TRIM23: variants seen among roughly 807,000 people sequenced by gnomAD.
TRIM23 encodes the protein E3 ubiquitin-protein ligase TRIM23.
In TRIM23, 27 loss-of-function variants were observed where a neutral mutation model predicts 71.0. That is an observed-to-expected ratio of 0.38 (90% confidence interval 0.28 to 0.52). The LOEUF is 0.52. Ranked by LOEUF, TRIM23 falls within the 20% of genes least tolerant of loss-of-function variation. The pLI is 0.84. For missense variants in TRIM23, 482 were observed against 692.3 expected (o/e 0.70, Z 3.41); for synonymous variants, 234 against 238.0 (o/e 0.98, Z 0.16).
intron 6 of TRIM23, among the ~76,000 whole-genome samples, chr5:65,606,460 C>G (rs1754505815): frequency 7.3e-6 from 1 of 136,162 alleles, no homozygotes; most frequent in Non-Finnish European, 1.6e-5. Context: ...ACTCCTCCCG[C>G]CCCCGGCCAA....
chr5:65,613,458 A>G (rs1754703652), intron 3 of TRIM23, among the ~76,000 whole-genome samples: 1 of 152,218 alleles, frequency 6.6e-6, no homozygotes, highest in South Asian at 2.1e-4. Flanking sequence ...TACTCCAAAT[A>G]TATTTTTACC....
chr5:65,606,222 T>A (rs1352672469), intron 6 of TRIM23, among the ~76,000 whole-genome samples: 1 of 152,088 alleles, frequency 6.6e-6, no homozygotes, highest in Non-Finnish European at 1.5e-5. Flanking sequence ...GGCAGATGGA[T>A]CACTCGAGCC....
chr5:65,606,459 G>T (rs1019770559), intron 6 of TRIM23, among the ~76,000 whole-genome samples: 1 of 113,248 alleles, frequency 8.8e-6, no homozygotes, highest in African/African-American at 3.6e-5. Flanking sequence ...CACTCCTCCC[G>T]CCCCCGGCCA....
At chr5:65,609,873 C>T (rs1048977559) in intron 5 of TRIM23, among the ~76,000 whole-genome samples, 1 of 152,190 alleles carries the variant, frequency 6.6e-6, no homozygotes, top group Non-Finnish European at 1.5e-5. Flanking sequence ...TATTCCCAAA[C>T]CTAATTGCCT....
chr5:65,619,193 A>C (rs922911643), intron 1 of TRIM23, among the ~76,000 whole-genome samples: 7 of 152,108 alleles, frequency 4.6e-5, no homozygotes, highest in Non-Finnish European at 7.3e-5. Flanking sequence ...CTATGCTCCA[A>C]CTATATCCAA....
chr5:65,607,060 T>C (rs892057289), intron 6 of TRIM23: 2 of 152,258 alleles, frequency 1.3e-5, no homozygotes, highest in African/African-American at 4.8e-5. Context: ...CTTTAGATGA[T>C]GCATAATTTG....
Position 65,591,889 on chromosome 5 carries a change from T to C in TRIM23, c.1605A>G (p.Leu535=), listed in dbSNP as rs368662476. 18 of 1,613,774 alleles carry C rather than the reference T, an allele frequency of 1.1e-5. No individual in the cohort carries two copies. Among genetic ancestry groups the C allele is most frequent in the Non-Finnish European group, 1.4e-5 (17 of 1,179,918 alleles). The change falls in exon 11 of 11, where the codon TTA becomes TTG. Residue 535 remains leucine, a synonymous_variant. Transcript: ENST00000231524. ...EITELLSLHK[L]CCGRSWYIQG... ...GAATATACCAGCTACGGCCACAGCA[T>C]AATTTATGGAGACTGAGTAGTTCAG... is the stretch of plus-strand genomic sequence containing the variant.
At chr5:65,616,474 T>C (rs1214013910) in intron 2 of TRIM23, among the ~76,000 whole-genome samples, 2 of 151,620 alleles carry the variant, frequency 1.3e-5, no homozygotes, top group Non-Finnish European at 2.9e-5. Context: ...AAACCCCATC[T>C]CTACTAAAAA....
At chr5:65,611,281 A>G (rs1483915867) in intron 4 of TRIM23, among the ~76,000 whole-genome samples, 1 of 152,212 alleles carries the variant, frequency 6.6e-6, no homozygotes, top group Non-Finnish European at 1.5e-5. Flanking sequence ...CTAAAATCAT[A>G]TCCTAAGTAA....
intron 9 of TRIM23, among the ~76,000 whole-genome samples, chr5:65,595,542 A>T (rs1317139056): frequency 1.4e-5 from 2 of 139,808 alleles, no homozygotes; most frequent in Non-Finnish European, 3.1e-5. Context: ...TGGGCGACAG[A>T]GCAAGACTCG....
Position 65,611,703 on chromosome 5 carries a change from T to G in TRIM23, c.545A>C (p.Gln182Pro). 1 of 1,614,228 alleles carries G rather than the reference T, an allele frequency of 6.2e-7. No individual in the cohort carries two copies. Among genetic ancestry groups the G allele is most frequent in the Non-Finnish European group, 8.5e-7 (1 of 1,180,042 alleles). The change falls in exon 4 of 11, where the codon CAG becomes CCG. Residue 182 changes from glutamine (Q) to proline (P), a missense_variant. This residue lies in a region of TRIM23 where 307 missense variants were observed against 495.8 expected (regional missense o/e 0.62). Coordinates refer to ENST00000231524, the MANE Select transcript of TRIM23 (RefSeq NM_001656.4). ...GCAAACAAACTCAATGGCATGCACC[T>G]GGTGCTGAGAGCACATAGTTTTCTC... is the stretch of plus-strand genomic sequence containing the variant. Reference protein sequence around the residue: ...PHEKTMCSQHQVHAIEFVCLE... With the variant: ...PHEKTMCSQHPVHAIEFVCLE...
At chr5:65,622,314 A>G (rs1461074012) in intron 1 of TRIM23, among the ~76,000 whole-genome samples, 1 of 152,074 alleles carries the variant, frequency 6.6e-6, no homozygotes, top group Admixed American at 6.6e-5. Flanking sequence ...TAACAGGCCC[A>G]CACCACAATG....
chr5:65,591,422 C>G lies in TRIM23; in HGVS notation c.*347G>C. On this transcript the variant is annotated 3_prime_UTR_variant, in exon 11 of 11. Transcript: ENST00000231524. ...GGCACTCAATTGGCTATTCTTTTTT[C>G]ACTGAAAGAATAAACCTTCACTTAC... The G allele has an allele frequency of 6.3e-7, 1 of 1,588,540 alleles. No individual in the cohort carries two copies. The highest frequency in any genetic ancestry group is 8.6e-7 in the Non-Finnish European group (1 of 1,168,738).
intron 8 of TRIM23, among the ~76,000 whole-genome samples, chr5:65,596,803 C>A (rs959556764): frequency 2.0e-5 from 3 of 152,066 alleles, no homozygotes; most frequent in African/African-American, 7.2e-5. Flanking sequence ...CCACCCCACA[C>A]CCTCAGCCAG....
At chr5:65,609,553 ACT>A in intron 5 of TRIM23, 95 bp from the exon 6 acceptor site, 1 of 1,304,390 alleles carries the variant, frequency 7.7e-7, no homozygotes. Context: ...ACATGGCAAA[ACT>A]CTGTCTCTAC....
Position 65,614,088 on chromosome 5 carries a change from T to C in TRIM23, c.366+10A>G. 1 of 1,610,510 alleles carries C rather than the reference T, an allele frequency of 6.2e-7. No individual in the cohort carries two copies. Among genetic ancestry groups the C allele is most frequent in the Non-Finnish European group, 8.5e-7 (1 of 1,178,794 alleles). On this transcript the variant is annotated intron_variant, in intron 3 of 10. Coordinates refer to ENST00000231524, the MANE Select transcript of TRIM23 (RefSeq NM_001656.4). ...CTCGTAACAAATATTTCACCAAGTA[T>C]GATCAATACCTCTCCAGATATCCCA... is the stretch of plus-strand genomic sequence containing the variant.
chr5:65,619,752 C>T (rs186682556), intron 1 of TRIM23, among the ~76,000 whole-genome samples: 5 of 152,202 alleles, frequency 3.3e-5, no homozygotes, highest in Admixed American at 1.3e-4. Context: ...AAATTCTTTA[C>T]GTGAAAAGAT....
At position 65,614,131 on chromosome 5, in the gene TRIM23, T is replaced by C; in HGVS notation, c.333A>G (p.Gly111=). The C allele has an allele frequency of 6.2e-7, 1 of 1,614,062 alleles. No individual in the cohort carries two copies. The highest frequency in any genetic ancestry group is 8.5e-7 in the Non-Finnish European group (1 of 1,179,992). Residue 111 remains glycine, a synonymous_variant, in exon 3 of 11, where the codon GGA becomes GGG. Coordinates refer to ENST00000231524, the MANE Select transcript of TRIM23 (RefSeq NM_001656.4). ...RLQNGPIGQY[G]AAEESIGISG... ...ATATCCCAATGGATTCTTCTGCAGCTCCATACTGACCAATAGGCCCATTCT... is the reference window on the plus strand; with the variant it reads ...ATATCCCAATGGATTCTTCTGCAGCCCCATACTGACCAATAGGCCCATTCT...
At chr5:65,606,491 A>G (rs1217819685) in intron 6 of TRIM23, among the ~76,000 whole-genome samples, 2 of 150,750 alleles carry the variant, frequency 1.3e-5, no homozygotes, top group African/African-American at 2.4e-5. Flanking sequence ...AAAACAATTG[A>G]AGTCCTTATA....
Sources: allele counts gnomAD v4.1 joint callset (sites outside exome capture counted in the v4.1 genomes callset), GRCh38; gene constraint gnomAD v4.1.1; regional missense constraint gnomAD v4.1.1; transcripts MANE v1.5; gene names NCBI Gene and HGNC (gene_info 2026-07-23, HGNC 2026-07-21).